Variants in CYP2J2 observed in about 807,000 individuals in gnomAD.
The protein encoded by CYP2J2 is cytochrome P450 2J2.
Under a neutral mutation model 48.8 loss-of-function variants are expected in CYP2J2, and 41 were observed. The ratio of observed to expected loss-of-function variants is 0.84; its 90% CI spans 0.66 to 1.09. The LOEUF is 1.09. Among genes scored for constraint, CYP2J2 ranks in the 50% least tolerant of loss-of-function variants. The probability of loss-of-function intolerance (pLI) is 0.00; values close to 1 mark genes in which losing one functional copy is unlikely to be tolerated. For missense variants in CYP2J2, 644 were observed against 617.3 expected (o/e 1.04, Z -0.46); for synonymous variants, 221 against 227.1 (o/e 0.97, Z 0.24).
chr1:59,927,492 T>C (rs1368748298), upstream of CYP2J2, among the ~76,000 whole-genome samples: 3 of 152,220 alleles, frequency 2.0e-5, no homozygotes, highest in Admixed American at 6.5e-5. Context: ...GTTTCACAAA[T>C]GGTGAGACTG....
rs1475994555 is a variant in CYP2J2 at position 59,893,914 on chromosome 1, A to T, written c.1331-85T>A. ...ATTGCTATCCTCAATCATATCCCCA[A>T]AAAAATGGAGCAGAGGAAGGGCCTG... On this transcript the variant is annotated intron_variant, in intron 8 of 8. Coordinates refer to ENST00000371204, the MANE Select transcript of CYP2J2 (RefSeq NM_000775.4). 4 of 1,358,556 alleles carry T rather than the reference A, an allele frequency of 2.9e-6. No homozygotes were observed. The East Asian group carries it at 7.1e-5, about 24-fold the overall frequency. The allele number at this position is 1,358,556 out of a possible 1,614,324, so 84.2% of individuals were successfully genotyped here.
intron 2 of CYP2J2, among the ~76,000 whole-genome samples, chr1:59,913,955 C>T (rs1644442080): frequency 6.6e-6 from 1 of 152,224 alleles, no homozygotes; most frequent in African/African-American, 2.4e-5. Flanking sequence ...TTAATTATCT[C>T]CTTTTAATCC....
chr1:59,943,993 C>A, the CYP2J2 span, among the ~76,000 whole-genome samples: 2 of 152,288 alleles, frequency 1.3e-5, no homozygotes, highest in South Asian at 4.1e-4. Context: ...TACATATATG[C>A]ATTTGTATAC....
intron 6 of CYP2J2, among the ~76,000 whole-genome samples, chr1:59,905,693 A>G (rs1644358785): frequency 6.6e-6 from 1 of 152,194 alleles, no homozygotes; most frequent in Admixed American, 6.5e-5. Flanking sequence ...TCCTTATTTG[A>G]TTAGTGAGGA....
intron 7 of CYP2J2, 31 bp from the exon 8 acceptor site, chr1:59,901,134 C>G: frequency 6.2e-7 from 1 of 1,603,900 alleles, no homozygotes; most frequent in East Asian, 2.2e-5. Context: ...TCAGGCAAGG[C>G]TTGACCCATG....
In CYP2J2 at chr1:59,926,615, C is replaced by T. The variant is rs747746501; in HGVS notation, c.132G>A (p.Pro44=). 8 of 1,614,158 alleles carry T rather than the reference C, an allele frequency of 5.0e-6. No homozygotes were observed. The highest frequency in any genetic ancestry group is 5.9e-6 in the Non-Finnish European group (7 of 1,180,022). The part of the protein sequence containing the change: ...FLKRRRPKNY[P]PGPWRLPFLG... ...GGAAGGGCAGGCGCCAGGGCCCCGG[C>T]GGGTAGTTCTTTGGGCGCCGTCTTT... The change falls in exon 1 of 9, where the codon CCG becomes CCA. Residue 44 remains proline, a synonymous_variant. Coordinates refer to ENST00000371204, the MANE Select transcript of CYP2J2 (RefSeq NM_000775.4).
upstream of CYP2J2, chr1:59,926,813 G>A (rs914841438): frequency 8.5e-6 from 12 of 1,412,812 alleles, no homozygotes; most frequent in South Asian, 6.2e-5. Flanking sequence ...GACGGTCCCC[G>A]CCCCGCCTCG....
the CYP2J2 span, among the ~76,000 whole-genome samples, chr1:59,948,122 C>A: frequency 6.6e-6 from 1 of 152,028 alleles, no homozygotes; most frequent in Non-Finnish European, 1.5e-5. Flanking sequence ...AAAGTTGGTG[C>A]CCTTTGCTTT....
chr1:59,930,130 GA>G (rs1002632788), upstream of CYP2J2, among the ~76,000 whole-genome samples: 2 of 152,086 alleles, frequency 1.3e-5, no homozygotes, highest in African/African-American at 4.8e-5. Context: ...AGTGCTAAAA[GA>G]AAAGAAAAAA....
chr1:59,926,030 T>C (rs953317556), intron 1 of CYP2J2, among the ~76,000 whole-genome samples: 12 of 152,250 alleles, frequency 7.9e-5, no homozygotes, highest in South Asian at 4.1e-4. Context: ...TGAACACCGT[T>C]TGGCAAAAAT....
intron 7 of CYP2J2, among the ~76,000 whole-genome samples, chr1:59,902,563 C>T (rs2102110459): frequency 6.6e-6 from 1 of 151,978 alleles, no homozygotes; most frequent in East Asian, 1.9e-4. Context: ...TTACAGGTGC[C>T]CACCACCACG....
Position 59,900,949 on chromosome 1 carries a change from G to A in CYP2J2, c.1330+16C>T. On this transcript the variant is annotated intron_variant, in intron 8 of 8. Transcript: ENST00000371204. ...AGGGGCCCTGGACTCCCACACACCT[G>A]TTTACTACAACTTACCTATTGAGAA... 1 of 1,612,398 alleles carries A rather than the reference G, an allele frequency of 6.2e-7. No homozygotes were observed. The highest frequency in any genetic ancestry group is 1.1e-5 in the South Asian group (1 of 91,040).
intron 7 of CYP2J2, among the ~76,000 whole-genome samples, chr1:59,903,952 A>G (rs138362493): frequency 2.0e-5 from 3 of 152,328 alleles, no homozygotes; most frequent in African/African-American, 7.2e-5. Flanking sequence ...AGAATTGAAT[A>G]AGACATTTTG....
chr1:59,959,511 A>T, the CYP2J2 span, among the ~76,000 whole-genome samples: 1 of 152,100 alleles, frequency 6.6e-6, no homozygotes, highest in Non-Finnish European at 1.5e-5. Flanking sequence ...AGCCAGCCCA[A>T]ATGCCCATCA....
the CYP2J2 span, among the ~76,000 whole-genome samples, chr1:59,963,991 A>G: frequency 6.6e-6 from 1 of 152,194 alleles, no homozygotes; most frequent in African/African-American, 2.4e-5. Flanking sequence ...ATCATGTTTC[A>G]ATACCTAAAA....
the CYP2J2 span, among the ~76,000 whole-genome samples, chr1:59,942,126 A>G: frequency 6.6e-6 from 1 of 152,140 alleles, no homozygotes; most frequent in Non-Finnish European, 1.5e-5. Context: ...TTCTGGCTGG[A>G]GGCAGCTGAT....
chr1:59,957,110 TGA>T, the CYP2J2 span, among the ~76,000 whole-genome samples: 2 of 152,102 alleles, frequency 1.3e-5, no homozygotes, highest in African/African-American at 4.8e-5. Flanking sequence ...ACAGAAACTG[TGA>T]GAGGAAAGAA....
chr1:59,966,967 CAAGCTCTTCAGGCAAA>C, the CYP2J2 span, among the ~76,000 whole-genome samples: 432 of 152,258 alleles, frequency 2.8e-3, 6 homozygotes, highest in Non-Finnish European at 1.2e-3. Context: ...TAAGGAAATC[CAAGCTCTTCAGGCAAA>C]ACTACTCCTC....
At chr1:59,936,899 A>G in the CYP2J2 span, among the ~76,000 whole-genome samples, 3 of 152,242 alleles carry the variant, frequency 2.0e-5, no homozygotes, top group Admixed American at 6.5e-5. Flanking sequence ...ACATATCATA[A>G]ATACAAATTG....
Sources: allele counts gnomAD v4.1 joint callset (sites outside exome capture counted in the v4.1 genomes callset), GRCh38; gene constraint gnomAD v4.1.1; transcripts MANE v1.5; gene names NCBI Gene and HGNC (gene_info 2026-07-23, HGNC 2026-07-21).